The following CFAP20 variants were observed in gnomAD, a reference collection of about 807,000 sequenced individuals.
The protein encoded by CFAP20 is cilia- and flagella-associated protein 20.
A neutral mutation model predicts 25.5 loss-of-function variants in CFAP20; 14 were observed. The observed-to-expected ratio is 0.55, with a 90% CI of 0.36 to 0.86. The LOEUF is 0.86. CFAP20 is among the 40% of genes least tolerant of loss of function. The pLI is 0.01. For missense variants in CFAP20, 181 were observed against 248.0 expected, an observed-to-expected ratio of 0.73 and a Z score of 1.81; for synonymous variants, 75 against 91.1, an observed-to-expected ratio of 0.82 and a Z score of 1.01.
intron 1 of CFAP20, among the ~76,000 whole-genome samples, chr16:58,122,082 G>A (rs78434645): frequency 0.029 from 4,356 of 152,292 alleles, 113 homozygotes; most frequent in South Asian, 0.15. Context: ...CAGAAATTAG[G>A]CAGAGGGAGA....
Position 58,115,419 on chromosome 16 carries a change from T to A in CFAP20, c.315A>T (p.Ala105=), listed in dbSNP as rs750612612. The change falls in exon 4 of 6, where the codon GCA becomes GCT. Residue 105 remains alanine (A), a synonymous_variant. Transcript: ENST00000262498. ...DDKNVRRRFR[A]SNYQSTTRVK... is the part of the protein sequence containing the mutation. Reference sequence around the variant, plus strand: ...CCCGGGTGGTGCTCTGGTAGTTACTTGCCCGAAAGCGACGACGCACATTCT... The same window carrying A: ...CCCGGGTGGTGCTCTGGTAGTTACTAGCCCGAAAGCGACGACGCACATTCT... 3 of 1,614,120 alleles carry A rather than the reference T, an allele frequency of 1.9e-6. No individual in the cohort carries two copies. In the African/African-American group the frequency reaches 4.0e-5, roughly 22 times the overall value.
In CFAP20 at chr16:58,116,917, T is replaced by A. The variant is rs900080525; in HGVS notation, c.119A>T (p.Asn40Ile). 2.2e-5 allele frequency: 35 copies of A among 1,614,216 alleles called. No homozygotes were observed. The highest frequency in any genetic ancestry group is 3.0e-5 in the Non-Finnish European group (35 of 1,180,028). The change falls in exon 2 of 6, where the codon AAT (asparagine) becomes ATT (isoleucine). Residue 40 changes from asparagine (N) to isoleucine (I), a missense_variant. Asn to Ile is a moderately radical substitution (Grantham distance 149, BLOSUM62 -3). Transcript: ENST00000262498. ...RNGHIKRITD[N>I]DIQSLVLEIE... ...CTCTAGCACCAGGGACTGGATGTCA[T>A]TATCAGTGATTCTTTTGATGTGGCC...
Position 58,129,274 on chromosome 16 carries a change from C to T in CFAP20, c.-159G>A, listed in dbSNP as rs947915311. The stretch of plus-strand genomic sequence containing the variant: ...GGATCTGCAGCCACTGATGGCCGGA[C>T]TCGGACGCGGCAACGCTAAGTCCGC... On this transcript the variant is annotated 5_prime_UTR_variant, in exon 1 of 6. Transcript: ENST00000262498. 20 of 708,776 alleles carry T rather than the reference C, an allele frequency of 2.8e-5. No individual in the cohort carries two copies. Among genetic ancestry groups the T allele is most frequent in the Non-Finnish European group, 4.4e-5 (19 of 431,446 alleles). 43.9% of individuals were successfully genotyped at this position (708,776 alleles called of 1,614,324 possible).
chr16:58,114,812 T>C lies in CFAP20; in HGVS notation c.574A>G (p.Lys192Glu). The C allele has an allele frequency of 1.2e-6, 2 of 1,611,096 alleles. No homozygotes were observed. Among genetic ancestry groups the C allele is most frequent in the Non-Finnish European group, 1.7e-6 (2 of 1,177,252 alleles). ...TCCTCTGGGGAAGACTGGCTTACCT[T>C]TGCCTTGTTCTGAACTGGGAGATAC... ...KLYLPVQNKA[K>E]Q is the part of the protein sequence containing the mutation. Residue 192 changes from lysine to glutamate, a missense_variant and splice_region_variant, in exon 5 of 6, where the codon AAG (lysine) becomes GAG (glutamate). Transcript: ENST00000262498.
chr16:58,114,971 T>G, intron 4 of CFAP20, 51 bp from the exon 5 acceptor site: 2 of 1,471,872 alleles, frequency 1.4e-6, no homozygotes, highest in Non-Finnish European at 1.9e-6. Context: ...GTTCTCCCCC[T>G]TTTCCTGAAT....
At chr16:58,115,075 A>C in intron 4 of CFAP20, 155 bp from the exon 5 acceptor site, 1 of 970,134 alleles carries the variant, frequency 1.0e-6, no homozygotes, top group Non-Finnish European at 1.6e-6. Context: ...GGGAGGTCTT[A>C]CTTGCTGTAT....
At chr16:58,117,850 A>G (rs148335973) in intron 1 of CFAP20, among the ~76,000 whole-genome samples, 1 of 152,186 alleles carries the variant, frequency 6.6e-6, no homozygotes, top group African/African-American at 2.4e-5. Context: ...ATGCTTCCCT[A>G]TCTGCTTTTG....
chr16:58,123,921 A>G (rs916547126), intron 1 of CFAP20, among the ~76,000 whole-genome samples: 2 of 152,166 alleles, frequency 1.3e-5, no homozygotes, highest in Admixed American at 6.5e-5. Context: ...ACTTACCCTG[A>G]AGAGTTAAGG....
chr16:58,126,795 C>T (rs1960619254), intron 1 of CFAP20, among the ~76,000 whole-genome samples: 1 of 152,224 alleles, frequency 6.6e-6, no homozygotes, highest in Non-Finnish European at 1.5e-5. Context: ...AGTGTTCCCC[C>T]TACTGGATTG....
At chr16:58,121,182 G>C (rs1014099659) in intron 1 of CFAP20, among the ~76,000 whole-genome samples, 10 of 152,160 alleles carry the variant, frequency 6.6e-5, no homozygotes, top group Admixed American at 1.3e-4. Flanking sequence ...CCATGTGGCT[G>C]TCATTGCCTA....
At chr16:58,118,805 G>A (rs1444343738) in intron 1 of CFAP20, among the ~76,000 whole-genome samples, 1 of 152,200 alleles carries the variant, frequency 6.6e-6, no homozygotes, top group Non-Finnish European at 1.5e-5. Context: ...CTGGGCGACA[G>A]AGTGAGATCC....
At chr16:58,125,521 C>A (rs984907369) in intron 1 of CFAP20, among the ~76,000 whole-genome samples, 1 of 151,744 alleles carries the variant, frequency 6.6e-6, no homozygotes, top group Admixed American at 6.6e-5. Context: ...CCCGTCTCTA[C>A]AAAAATACAA....
chr16:58,115,412 A>C lies in CFAP20; in HGVS notation c.322T>G (p.Tyr108Asp), dbSNP rs1468010309. Residue 108 changes from tyrosine to aspartate, a missense_variant, in exon 4 of 6, where the codon TAC (tyrosine) becomes GAC (aspartate). Physicochemically the swap from Tyr to Asp is radical, Grantham distance 160. Coordinates refer to ENST00000262498, the MANE Select transcript of CFAP20 (RefSeq NM_013242.3). ...GGTTTGACCCGGGTGGTGCTCTGGT[A>C]GTTACTTGCCCGAAAGCGACGACGC... is the stretch of plus-strand genomic sequence containing the variant. ...NVRRRFRASN[Y>D]QSTTRVKPFI... 6.2e-7 allele frequency: 1 copy of C among 1,614,110 alleles called. No homozygotes were observed. The highest frequency in any genetic ancestry group is 1.3e-5 in the African/African-American group (1 of 74,926).
intron 1 of CFAP20, among the ~76,000 whole-genome samples, chr16:58,123,537 A>G (rs1412024081): frequency 7.5e-6 from 1 of 132,932 alleles, no homozygotes; most frequent in Admixed American, 8.8e-5. Flanking sequence ...TGGAGCCTGC[A>G]GTGAGCCGAG....
intron 1 of CFAP20, among the ~76,000 whole-genome samples, chr16:58,128,009 A>G (rs752371490): frequency 6.6e-6 from 1 of 152,228 alleles, no homozygotes; most frequent in Non-Finnish European, 1.5e-5. Flanking sequence ...CTCTCTAAAA[A>G]GCAGCATTCG....
intron 3 of CFAP20, 51 bp downstream of exon 3, chr16:58,115,990 C>A: frequency 7.4e-7 from 1 of 1,343,062 alleles, no homozygotes; most frequent in South Asian, 1.2e-5. Context: ...AGTTCAAAGG[C>A]TATCACTTTG....
intron 1 of CFAP20, among the ~76,000 whole-genome samples, chr16:58,122,569 G>A (rs1012350742): frequency 1.3e-5 from 2 of 151,902 alleles, no homozygotes; most frequent in Non-Finnish European, 2.9e-5. Context: ...GTGACAGAGC[G>A]AGACTCTGTT....
chr16:58,116,943 A>G lies in CFAP20; in HGVS notation c.93T>C (p.Asn31=). The change falls in exon 2 of 6, where the codon AAT becomes AAC. Residue 31 remains asparagine, a synonymous_variant. Coordinates refer to ENST00000262498, the MANE Select transcript of CFAP20 (RefSeq NM_013242.3). ...PLQIWDKKVR[N]GHIKRITDND... is the part of the protein sequence containing the mutation. ...TATCAGTGATTCTTTTGATGTGGCC[A>G]TTCCGTACCTACAAGAAAGAAAATT... is the stretch of plus-strand genomic sequence containing the variant. 2 of 1,614,096 alleles carry G rather than the reference A, an allele frequency of 1.2e-6. No homozygotes were observed. Among genetic ancestry groups the G allele is most frequent in the African/African-American group, 1.3e-5 (1 of 75,058 alleles).
intron 1 of CFAP20, among the ~76,000 whole-genome samples, chr16:58,121,023 G>A (rs1960527432): frequency 6.6e-6 from 1 of 152,224 alleles, no homozygotes; most frequent in Non-Finnish European, 1.5e-5. Flanking sequence ...AAACTCACTG[G>A]AAAAGAGTAG....
Sources: allele counts gnomAD v4.1 joint callset (sites outside exome capture counted in the v4.1 genomes callset), GRCh38; gene constraint gnomAD v4.1.1; transcripts MANE v1.5; gene names NCBI Gene and HGNC (gene_info 2026-07-23, HGNC 2026-07-21).